Variants in PISD observed in about 807,000 individuals in gnomAD.
PISD encodes phosphatidylserine decarboxylase proenzyme, mitochondrial.
A neutral mutation model predicts 43.5 loss-of-function variants in PISD; 31 were observed. The ratio of observed to expected loss-of-function variants is 0.71; its 90% CI spans 0.54 to 0.96. PISD has a LOEUF of 0.96. Ranked by LOEUF, PISD falls within the 40% of genes least tolerant of loss-of-function variation. The pLI is 0.00. For synonymous variants in PISD, 259 were observed against 228.7 expected (o/e 1.13, Z -1.20); for missense variants, 523 against 548.4 (o/e 0.95, Z 0.46).
intron 2 of PISD, 91 bp downstream of exon 2, chr22:31,650,608 A>C: frequency 1.4e-6 from 1 of 694,758 alleles, no homozygotes; most frequent in Non-Finnish European, 2.5e-6. Flanking sequence ...TAACTCATTT[A>C]ACTCTAACAA....
At chr22:31,662,476 T>C (rs1569495180), upstream of PISD, 3 of 524,204 alleles carry the variant, frequency 5.7e-6, no homozygotes. Context: ...TTTCCTCATG[T>C]ACCTGGAAAA....
chr22:31,646,184 C>G (rs1383703964), intron 3 of PISD, among the ~76,000 whole-genome samples: 1 of 151,552 alleles, frequency 6.6e-6, no homozygotes, highest in Non-Finnish European at 1.5e-5. Flanking sequence ...GTCGCTTGAG[C>G]CCAGGAGTTT....
At chr22:31,625,934 C>T in intron 3 of PISD, 3 of 1,507,156 alleles carry the variant, frequency 2.0e-6, no homozygotes, top group Middle Eastern at 1.7e-4. Flanking sequence ...GGGCCTCTGC[C>T]TCTGCGAGGC....
chr22:31,641,355 C>A (rs2073720516), intron 3 of PISD, among the ~76,000 whole-genome samples: 1 of 152,132 alleles, frequency 6.6e-6, no homozygotes. Context: ...GACCTGAACA[C>A]AAGCACCAGA....
intron 3 of PISD, chr22:31,638,427 G>A (rs1297353798): frequency 5.1e-6 from 5 of 985,018 alleles, no homozygotes; most frequent in East Asian, 1.1e-4. Context: ...GTGGAGGGGC[G>A]AGGAAGGGGG....
chr22:31,649,676 T>C (rs2147789533), intron 2 of PISD, among the ~76,000 whole-genome samples: 1 of 151,888 alleles, frequency 6.6e-6, no homozygotes, highest in East Asian at 1.9e-4. Flanking sequence ...GAGCTTGCAG[T>C]GAGCCGAGAT....
chr22:31,624,502 C>G (rs998305944), intron 3 of PISD, among the ~76,000 whole-genome samples: 4 of 152,140 alleles, frequency 2.6e-5, no homozygotes, highest in Non-Finnish European at 4.4e-5. Context: ...TTACACTCCG[C>G]CTACCACCAC....
intron 3 of PISD, among the ~76,000 whole-genome samples, chr22:31,646,157 G>A (rs1838776285): frequency 6.6e-6 from 1 of 152,058 alleles, no homozygotes; most frequent in Admixed American, 6.6e-5. Context: ...AGCACTTTGG[G>A]AGGCTGAGGC....
At chr22:31,637,150 AAAAAAAAAAAAAAAATAT>A (rs1399600595) in intron 3 of PISD, among the ~76,000 whole-genome samples, 3 of 19,304 alleles carry the variant, frequency 1.6e-4, no homozygotes, top group African/African-American at 4.3e-4. Context: ...AATTAAAAAA[AAAAAAAAAAAAAAAATAT>A]ATATATATAT....
intron 3 of PISD, among the ~76,000 whole-genome samples, chr22:31,623,313 T>C (rs2099830870): frequency 2.0e-5 from 3 of 152,224 alleles, no homozygotes; most frequent in Admixed American, 2.0e-4. Flanking sequence ...CCGGAATTAA[T>C]TTGGCTTCTG....
intron 3 of PISD, among the ~76,000 whole-genome samples, chr22:31,644,521 G>A (rs939855892): frequency 2.0e-5 from 3 of 152,064 alleles, no homozygotes; most frequent in Non-Finnish European, 2.9e-5. Flanking sequence ...TTACAGGCAT[G>A]AGCCACCACG....
intron 1 of PISD, among the ~76,000 whole-genome samples, chr22:31,660,652 T>C (rs1490053610): frequency 6.6e-6 from 1 of 152,224 alleles, no homozygotes; most frequent in Non-Finnish European, 1.5e-5. Context: ...AGTGAGGCTC[T>C]GACTTCCAAA....
chr22:31,652,224 C>T (rs1335874275), intron 1 of PISD, among the ~76,000 whole-genome samples: 2 of 151,922 alleles, frequency 1.3e-5, no homozygotes, highest in South Asian at 2.1e-4. Context: ...CTCCACCTCC[C>T]GGGTTCAAGC....
chr22:31,639,653 TA>T (rs1467195259), intron 3 of PISD, among the ~76,000 whole-genome samples: 1 of 136,244 alleles, frequency 7.3e-6, no homozygotes, highest in African/African-American at 3.1e-5. Flanking sequence ...TGATTTTTTT[TA>T]TGACTTTTGG....
intron 1 of PISD, among the ~76,000 whole-genome samples, chr22:31,661,615 A>AC (rs1241682879): frequency 1.3e-5 from 2 of 151,956 alleles, no homozygotes; most frequent in African/African-American, 2.4e-5. Flanking sequence ...GACTCAGAAG[A>AC]CCCCTCAAGT....
intron 5 of PISD, 54 bp downstream of exon 5, chr22:31,621,280 C>G (rs545717569): frequency 6.2e-7 from 1 of 1,611,496 alleles, no homozygotes; most frequent in African/African-American, 1.3e-5. Flanking sequence ...CCCTCCCTCC[C>G]GGTCCAGCCA....
chr22:31,658,104 C>T (rs1026889694), intron 1 of PISD, among the ~76,000 whole-genome samples: 1 of 152,134 alleles, frequency 6.6e-6, no homozygotes, highest in Non-Finnish European at 1.5e-5. Flanking sequence ...TCGATGAACA[C>T]GGGGTTTATC....
chr22:31,618,495 A>G lies in PISD; in HGVS notation c.*1117T>C. The G allele has an allele frequency of 7.5e-7, 1 of 1,335,910 alleles. No individual in the cohort carries two copies. The highest frequency in any genetic ancestry group is 9.8e-7 in the Non-Finnish European group (1 of 1,021,958). The allele number at this position is 1,335,910 out of a possible 1,614,324, so 82.8% of individuals were successfully genotyped here. A position where few individuals can be genotyped will look rare whatever the true frequency, so the allele number is the denominator to read the frequency against. On this transcript the variant is annotated 3_prime_UTR_variant, in exon 8 of 8. Transcript: ENST00000439502. ...ACCTCCAGGAACAGAACACAGTTTTAAGTTTGATTTTTTTTATTTCAAAAT... is the reference window on the plus strand; with the variant it reads ...ACCTCCAGGAACAGAACACAGTTTTGAGTTTGATTTTTTTTATTTCAAAAT...
chr22:31,640,575 GTTTTTTTTTTTT>G (rs759964791), intron 3 of PISD, among the ~76,000 whole-genome samples: 1 of 91,254 alleles, frequency 1.1e-5, no homozygotes, highest in Admixed American at 1.8e-4. Flanking sequence ...CGGTTTGGTT[GTTTTTTTTTTTT>G]TTTTTTTTTT....
Sources: gnomAD v4.1 joint callset for allele counts (sites outside exome capture counted in the v4.1 genomes callset) on GRCh38, gnomAD v4.1.1 for gene constraint, MANE v1.5 for transcripts, NCBI Gene and HGNC (gene_info 2026-07-23, HGNC 2026-07-21) for gene names.